Variants in LSAMP observed in about 807,000 individuals in gnomAD.
LSAMP encodes limbic system associated membrane protein.
In LSAMP, 7 loss-of-function variants were observed where a neutral mutation model predicts 38.6. That is an observed-to-expected ratio of 0.18 (90% CI 0.10 to 0.34). The LOEUF (loss-of-function observed/expected upper bound fraction) is 0.34, where lower values mean the gene tolerates loss of function less well. Among genes scored for constraint, LSAMP ranks in the 10% least tolerant of loss-of-function variants. The probability of loss-of-function intolerance (pLI) is 1.00; values close to 1 mark genes in which losing one functional copy is unlikely to be tolerated. For synonymous variants in LSAMP, 154 were observed against 166.8 expected (o/e 0.92, Z 0.59); for missense variants, 313 against 420.0 (o/e 0.75, Z 2.23).
chr3:115,929,033 A>G (rs1216972516), intron 3 of LSAMP, among the ~76,000 whole-genome samples: 1 of 140,282 alleles, frequency 7.1e-6, no homozygotes, highest in Admixed American at 7.8e-5. Flanking sequence ...AGCTGTAATA[A>G]TATTCTATGT....
intron 3 of LSAMP, among the ~76,000 whole-genome samples, chr3:116,003,750 G>T (rs900280355): frequency 2.0e-5 from 3 of 152,140 alleles, no homozygotes; most frequent in Admixed American, 2.0e-4. Flanking sequence ...GAAGACAGAG[G>T]CAGAGACTGG....
intron 1 of LSAMP, among the ~76,000 whole-genome samples, chr3:116,268,488 T>G (rs2046923356): frequency 6.6e-6 from 1 of 152,126 alleles, no homozygotes; most frequent in Non-Finnish European, 1.5e-5. Context: ...GCTCTTTATA[T>G]GCTGCTGTTT....
intron 4 of LSAMP, among the ~76,000 whole-genome samples, chr3:115,851,547 C>T (rs1301065610): frequency 6.6e-6 from 1 of 152,156 alleles, no homozygotes; most frequent in African/African-American, 2.4e-5. Context: ...CATAGGAAGA[C>T]ATGAGATGAC....
At chr3:116,372,376 G>A (rs1476193803) in intron 1 of LSAMP, among the ~76,000 whole-genome samples, 1 of 151,914 alleles carries the variant, frequency 6.6e-6, no homozygotes, top group African/African-American at 2.4e-5. Context: ...TCAAATGAGC[G>A]AAGTTGGACC....
chr3:115,904,022 C>T (rs897738670), intron 3 of LSAMP, among the ~76,000 whole-genome samples: 6 of 152,200 alleles, frequency 3.9e-5, no homozygotes, highest in Middle Eastern at 3.4e-3. Flanking sequence ...TTGAATTTCA[C>T]TATCTGAAAC....
intron 1 of LSAMP, among the ~76,000 whole-genome samples, chr3:116,190,448 T>A (rs1018224203): frequency 7.2e-5 from 11 of 151,886 alleles, no homozygotes; most frequent in African/African-American, 2.2e-4. Flanking sequence ...TTTTTTTTTT[T>A]ATTATTATTT....
At chr3:116,053,135 C>A (rs944512721) in intron 2 of LSAMP, among the ~76,000 whole-genome samples, 3 of 152,156 alleles carry the variant, frequency 2.0e-5, no homozygotes, top group Non-Finnish European at 4.4e-5. Flanking sequence ...AACTGAGAAC[C>A]ATATCTCAGA....
intron 1 of LSAMP, among the ~76,000 whole-genome samples, chr3:116,097,380 G>T (rs1708247557): frequency 6.6e-6 from 1 of 152,090 alleles, no homozygotes; most frequent in South Asian, 2.1e-4. Context: ...TTTCCACAAG[G>T]CTCACTTGAA....
At chr3:116,226,373 C>A (rs2046341928) in intron 1 of LSAMP, among the ~76,000 whole-genome samples, 1 of 152,196 alleles carries the variant, frequency 6.6e-6, no homozygotes, top group Non-Finnish European at 1.5e-5. Flanking sequence ...GTGATCCCAA[C>A]AAATAAAATT....
chr3:116,110,553 G>T (rs1443812557), intron 1 of LSAMP, among the ~76,000 whole-genome samples: 2 of 152,166 alleles, frequency 1.3e-5, no homozygotes, highest in Non-Finnish European at 2.9e-5. Flanking sequence ...TTGAAATTAA[G>T]AGAAGGGAGA....
chr3:115,986,491 A>T (rs918247002), intron 3 of LSAMP, among the ~76,000 whole-genome samples: 2 of 152,124 alleles, frequency 1.3e-5, no homozygotes, highest in African/African-American at 4.8e-5. Context: ...ATGCTTTTTG[A>T]ATTTTTATTT....
chr3:116,430,476 T>C (rs934733323), intron 1 of LSAMP, among the ~76,000 whole-genome samples: 3 of 152,176 alleles, frequency 2.0e-5, no homozygotes, highest in Non-Finnish European at 2.9e-5. Context: ...GTTTTTATTT[T>C]AATAATATTT....
At chr3:116,063,818 CA>C (rs1941636513) in intron 2 of LSAMP, among the ~76,000 whole-genome samples, 1 of 152,108 alleles carries the variant, frequency 6.6e-6, no homozygotes, top group South Asian at 2.1e-4. Flanking sequence ...AAAAAAACTA[CA>C]AAAAAACCAA....
intron 3 of LSAMP, among the ~76,000 whole-genome samples, chr3:115,932,201 G>T (rs1937591039): frequency 6.6e-6 from 1 of 152,076 alleles, no homozygotes; most frequent in Non-Finnish European, 1.5e-5. Flanking sequence ...TTATAAGAAA[G>T]ATACAATGAC....
chr3:116,126,642 A>T (rs1709014829), intron 1 of LSAMP, among the ~76,000 whole-genome samples: 1 of 152,142 alleles, frequency 6.6e-6, no homozygotes, highest in Admixed American at 6.5e-5. Flanking sequence ...CAGGCAGATC[A>T]CTTGAGGCCA....
chr3:116,204,239 G>C (rs548730245), intron 1 of LSAMP, among the ~76,000 whole-genome samples: 39 of 150,766 alleles, frequency 2.6e-4, no homozygotes, highest in Middle Eastern at 3.4e-3. Context: ...CCCACTTTTT[G>C]ATGGGGTTGT....
intron 1 of LSAMP, among the ~76,000 whole-genome samples, chr3:116,095,636 C>T: frequency 6.6e-6 from 1 of 152,106 alleles, no homozygotes; most frequent in East Asian, 1.9e-4. Context: ...GACACAAATT[C>T]TAAAAAGAGA....
chr3:116,416,796 T>A (rs1257346204), intron 1 of LSAMP, among the ~76,000 whole-genome samples: 1 of 118,316 alleles, frequency 8.5e-6, no homozygotes, highest in Non-Finnish European at 2.1e-5. Flanking sequence ...GGCAGAGACT[T>A]CTTCTTCTTC....
intron 1 of LSAMP, among the ~76,000 whole-genome samples, chr3:116,421,747 C>A (rs1447605121): frequency 6.6e-6 from 1 of 152,118 alleles, no homozygotes; most frequent in Non-Finnish European, 1.5e-5. Context: ...TACACAGTCA[C>A]TTGAATGGCT....
Sources: gnomAD v4.1 joint callset for allele counts (sites outside exome capture counted in the v4.1 genomes callset) on GRCh38, gnomAD v4.1.1 for gene constraint, MANE v1.5 for transcripts, NCBI Gene and HGNC (gene_info 2026-07-23, HGNC 2026-07-21) for gene names.